WFIKKN1: variants seen among roughly 807,000 people sequenced by gnomAD.
WFIKKN1 encodes the protein WAP, Kazal, immunoglobulin, Kunitz and NTR domain-containing protein 1.
A neutral mutation model predicts 4.6 loss-of-function variants in WFIKKN1; 6 were observed. The observed-to-expected ratio is 1.31, with a 90% confidence interval of 0.72 to 2.59. WFIKKN1 has a LOEUF of 2.59. Ranked by LOEUF, WFIKKN1 falls within the 30% of genes most tolerant of loss-of-function variation. The pLI is 0.00. For missense variants in WFIKKN1, 964 were observed against 818.0 expected (o/e 1.18, Z -2.18); for synonymous variants, 468 against 367.4 (o/e 1.27, Z -3.13).
In WFIKKN1 at chr16:633,375, A is replaced by G; in HGVS notation, c.965A>G (p.Gln322Arg). The G allele has an allele frequency of 6.4e-7, 1 of 1,567,696 alleles. No individual in the cohort carries two copies. Among genetic ancestry groups the G allele is most frequent in the South Asian group, 1.2e-5 (1 of 85,974 alleles). Residue 322 changes from glutamine (Q) to arginine (R), a missense_variant, in exon 2 of 2, where the codon CAG (glutamine) becomes CGG (arginine). Transcript: ENST00000319070. ...PHLVLWHYDPQRGGCMTFPAR... is the reference protein window; with the variant it reads ...PHLVLWHYDPRRGGCMTFPAR... Reference sequence around the variant, plus strand: ...CTTGTCCTCTGGCACTACGACCCGCAGCGGGGCGGCTGCATGACCTTCCCG... The same window carrying G: ...CTTGTCCTCTGGCACTACGACCCGCGGCGGGGCGGCTGCATGACCTTCCCG...
chr16:633,264 C>G lies in WFIKKN1; in HGVS notation c.854C>G (p.Pro285Arg). The change falls in exon 2 of 2, where the codon CCG becomes CGG. Residue 285 changes from proline to arginine, a missense_variant. Pro to Arg is a moderately radical substitution (Grantham distance 103, BLOSUM62 -2). Coordinates refer to ENST00000319070, the MANE Select transcript of WFIKKN1 (RefSeq NM_053284.3). ...DFPLSVVQRE[P>R]ARDAAPSIPA... is the part of the protein sequence containing the mutation. The stretch of plus-strand genomic sequence containing the variant: ...CCACTCTCTGTGGTCCAGCGAGAGC[C>G]GGCCAGGGACGCAGCCCCCAGCATC... 1 of 1,582,254 alleles carries G rather than the reference C, an allele frequency of 6.3e-7. No individual in the cohort carries two copies. Among genetic ancestry groups the G allele is most frequent in the Non-Finnish European group, 8.6e-7 (1 of 1,167,614 alleles).
At position 632,881 on chromosome 16, in the gene WFIKKN1, C is replaced by T. The variant is rs932210783; in HGVS notation, c.471C>T (p.Cys157=). The change falls in exon 2 of 2, where the codon TGC becomes TGT. Residue 157 remains cysteine, a synonymous_variant. Coordinates refer to ENST00000319070, the MANE Select transcript of WFIKKN1 (RefSeq NM_053284.3). The stretch of plus-strand genomic sequence containing the variant: ...GCCTGCACCTCCACATCGTGCCCTG[C>T]AAGCACGTGCTCAGCTGGCCGCCCA... ...LRGLHLHIVP[C]KHVLSWPPSS... The T allele has an allele frequency of 3.6e-5, 57 of 1,575,044 alleles. No homozygotes were observed. Among genetic ancestry groups the T allele is most frequent in the Non-Finnish European group, 4.7e-5 (55 of 1,160,006 alleles).
chr16:633,243 T>A lies in WFIKKN1; in HGVS notation c.833T>A (p.Leu278His). 6.3e-7 allele frequency: 1 copy of A among 1,586,582 alleles called. No individual in the cohort carries two copies. Among genetic ancestry groups the A allele is most frequent in the Non-Finnish European group, 8.6e-7 (1 of 1,168,476 alleles). The change falls in exon 2 of 2, where the codon CTC (leucine) becomes CAC (histidine). Residue 278 changes from leucine (L) to histidine (H), a missense_variant. Physicochemically the swap from Leu to His is moderately conservative, Grantham distance 99. Coordinates refer to ENST00000319070, the MANE Select transcript of WFIKKN1 (RefSeq NM_053284.3). ...AAGLLRADFPLSVVQREPARD... is the reference protein window; with the variant it reads ...AAGLLRADFPHSVVQREPARD... ...GGGCTGCTGCGGGCTGACTTCCCAC[T>A]CTCTGTGGTCCAGCGAGAGCCGGCC...
chr16:631,135 T>C lies in WFIKKN1; in HGVS notation c.-119T>C. ...TCAGGGGCAAAAGGGAGCCCCGGGGTCCTGGTGGGGGCACCGACCACAGGC... is the reference window on the plus strand; with the variant it reads ...TCAGGGGCAAAAGGGAGCCCCGGGGCCCTGGTGGGGGCACCGACCACAGGC... On this transcript the variant is annotated 5_prime_UTR_variant, in exon 1 of 2. Transcript: ENST00000319070. 5 of 1,203,224 alleles carry C rather than the reference T, an allele frequency of 4.2e-6. No individual in the cohort carries two copies. Among genetic ancestry groups the C allele is most frequent in the Non-Finnish European group, 5.6e-6 (5 of 891,894 alleles). The allele number at this position is 1,203,224 out of a possible 1,614,324, so 74.5% of individuals were successfully genotyped here. A position where few individuals can be genotyped will look rare whatever the true frequency, so the allele number is the denominator to read the frequency against.
Position 631,230 on chromosome 16 carries a change from C to T in WFIKKN1, c.-24C>T, listed in dbSNP as rs201564820. 1.4e-5 allele frequency: 22 copies of T among 1,541,050 alleles called. No homozygotes were observed. In the Admixed American group the frequency reaches 1.7e-4, roughly 12 times the overall value. On this transcript the variant is annotated 5_prime_UTR_variant, in exon 1 of 2. Transcript: ENST00000319070. The stretch of plus-strand genomic sequence containing the variant: ...AGGAGGGGCTGGTGGCCACACCCCC[C>T]GGCCCCCTGGCTCGGCGGCCCTCAT...
chr16:631,811 ATCCTCTTCTCCCACCCCG>A (rs2036953936), intron 1 of WFIKKN1: 1 of 40,330 alleles, frequency 2.5e-5, no homozygotes, highest in African/African-American at 1.1e-4. Context: ...CACTTCTTCC[ATCCTCTTCTCCCACCCCG>A]TCACTGCCTC....
In WFIKKN1 at chr16:633,212, G is replaced by C; in HGVS notation, c.802G>C (p.Ala268Pro). Reference sequence around the variant, plus strand: ...CCTGTACACCTGCACCGCGCGCAACGCTGCTGGGCTGCTGCGGGCTGACTT... The same window carrying C: ...CCTGTACACCTGCACCGCGCGCAACCCTGCTGGGCTGCTGCGGGCTGACTT... ...AGLYTCTARN[A>P]AGLLRADFPL... is the part of the protein sequence containing the mutation. Residue 268 changes from alanine to proline, a missense_variant, in exon 2 of 2, where the codon GCT becomes CCT. By Grantham distance (27) the Ala-to-Pro change is conservative (BLOSUM62 -1). Coordinates refer to ENST00000319070, the MANE Select transcript of WFIKKN1 (RefSeq NM_053284.3). 1 of 1,586,614 alleles carries C rather than the reference G, an allele frequency of 6.3e-7. No individual in the cohort carries two copies. Among genetic ancestry groups the C allele is most frequent in the Admixed American group, 1.8e-5 (1 of 56,644 alleles).
At position 631,058 on chromosome 16, in the gene WFIKKN1, G is replaced by A. The variant is rs565925117; in HGVS notation, c.-196G>A. On this transcript the variant is annotated 5_prime_UTR_variant, in exon 1 of 2. Coordinates refer to ENST00000319070, the MANE Select transcript of WFIKKN1 (RefSeq NM_053284.3). ...CGGCCTCTGAGAACTTGGAGACCCC[G>A]TTACCCACCCAGCAGGGGTGTCAGG... 1.8e-5 allele frequency: 11 copies of A among 623,518 alleles called. No individual in the cohort carries two copies. The highest frequency in any genetic ancestry group is 3.8e-5 in the African/African-American group (2 of 52,142). The allele number at this position is 623,518 out of a possible 1,614,324, so 38.6% of individuals were successfully genotyped here. A position where few individuals can be genotyped will look rare whatever the true frequency, so the allele number is the denominator to read the frequency against.
At position 632,966 on chromosome 16, in the gene WFIKKN1, C is replaced by G; in HGVS notation, c.556C>G (p.Pro186Ala). Residue 186 changes from proline to alanine, a missense_variant, in exon 2 of 2, where the codon CCT (proline) becomes GCT (alanine). By Grantham distance (27) the Pro-to-Ala change is conservative (BLOSUM62 -1). Transcript: ENST00000319070. ...RPTPGAAPVP[P>A]ALYSSPSPQA... ...CACACCTGGGGCCGCGCCCGTGCCT[C>G]CTGCCCTGTACAGCAGCCCCTCCCC... is the stretch of plus-strand genomic sequence containing the variant. 6.3e-7 allele frequency: 1 copy of G among 1,583,568 alleles called. No homozygotes were observed. Among genetic ancestry groups the G allele is most frequent in the Non-Finnish European group, 8.6e-7 (1 of 1,163,698 alleles).
rs755549268 is a variant in WFIKKN1, at chr16:634,075, G to A, written c.*18G>A. Reference sequence around the variant, plus strand: ...AGGACTAGCCCCCGCAGGGGCCTGCGCCACCCCGTCCTGGTGAATAAACGC... The same window carrying A: ...AGGACTAGCCCCCGCAGGGGCCTGCACCACCCCGTCCTGGTGAATAAACGC... On this transcript the variant is annotated 3_prime_UTR_variant, in exon 2 of 2. Transcript: ENST00000319070. 2.5e-5 allele frequency: 39 copies of A among 1,537,776 alleles called. No individual in the cohort carries two copies. The highest frequency in any genetic ancestry group is 2.4e-4 in the South Asian group (19 of 80,204).
chr16:631,200 G>A lies in WFIKKN1; in HGVS notation c.-54G>A. ...CCTGCAGGAAGCTGGGCTCTGTGGA[G>A]CCCGAGGAGGGGCTGGTGGCCACAC... On this transcript the variant is annotated 5_prime_UTR_variant, in exon 1 of 2. Coordinates refer to ENST00000319070, the MANE Select transcript of WFIKKN1 (RefSeq NM_053284.3). The A allele has an allele frequency of 6.6e-7, 1 of 1,511,584 alleles. No homozygotes were observed. The highest frequency in any genetic ancestry group is 1.2e-5 in the South Asian group (1 of 80,988). The allele number at this position is 1,511,584 out of a possible 1,614,324, so 93.6% of individuals were successfully genotyped here. A position where few individuals can be genotyped will look rare whatever the true frequency, so the allele number is the denominator to read the frequency against.
chr16:633,211 C>G lies in WFIKKN1; in HGVS notation c.801C>G (p.Asn267Lys). ...GCCTGTACACCTGCACCGCGCGCAA[C>G]GCTGCTGGGCTGCTGCGGGCTGACT... ...DAGLYTCTAR[N>K]AAGLLRADFP... The change falls in exon 2 of 2, where the codon AAC becomes AAG. Residue 267 changes from asparagine to lysine, a missense_variant. By Grantham distance (94) the Asn-to-Lys change is moderately conservative (BLOSUM62 0). Transcript: ENST00000319070. 1 of 1,589,726 alleles carries G rather than the reference C, an allele frequency of 6.3e-7. No individual in the cohort carries two copies. Among genetic ancestry groups the G allele is most frequent in the Non-Finnish European group, 8.6e-7 (1 of 1,167,854 alleles).
intron 1 of WFIKKN1, chr16:631,643 TG>T (rs66609666): frequency 1 from 422,032 of 422,084 alleles, 210,990 homozygotes; most frequent in Middle Eastern, 1. Flanking sequence ...GCCTCCACCC[TG>T]GGGCACCATC....
chr16:633,483 C>T lies in WFIKKN1; in HGVS notation c.1073C>T (p.Ala358Val). ...GCCTGTGCCCGCGGCCCCGGCGACG[C>T]CTGCGTGCTGCCTGCCGTGCAGGGC... ...QQACARGPGD[A>V]CVLPAVQGPC... Residue 358 changes from alanine to valine, a missense_variant, in exon 2 of 2, where the codon GCC becomes GTC. Ala to Val is a moderately conservative substitution (Grantham distance 64, BLOSUM62 0). Transcript: ENST00000319070. 2 of 1,520,478 alleles carry T rather than the reference C, an allele frequency of 1.3e-6. No individual in the cohort carries two copies. Among genetic ancestry groups the T allele is most frequent in the Non-Finnish European group, 1.7e-6 (2 of 1,143,054 alleles). 94.2% of individuals were successfully genotyped at this position (1,520,478 alleles called of 1,614,324 possible).
chr16:633,662 C>T lies in WFIKKN1; in HGVS notation c.1252C>T (p.Arg418Cys), dbSNP rs750881697. ...ACPVPRTPPC[R>C]ACRLRSKLAL... ...CCCCGTGCCGCGCACACCGCCCTGC[C>T]GCGCCTGCCGCCTCCGGAGCAAGCT... Residue 418 changes from arginine (R) to cysteine (C), a missense_variant, in exon 2 of 2, where the codon CGC becomes TGC. Transcript: ENST00000319070. 8.9e-6 allele frequency: 14 copies of T among 1,573,556 alleles called. No homozygotes were observed. The highest frequency in any genetic ancestry group is 4.6e-5 in the South Asian group (4 of 86,714).
rs770735856 is a variant in WFIKKN1, at chr16:633,032, G to A, written c.622G>A (p.Asp208Asn). ...TGGGGGTACGGCCAGCCTCCACTGC[G>A]ACGTCAGCGGCCGCCCGCCGCCTGC... ...QVGGTASLHC[D>N]VSGRPPPAVT... The change falls in exon 2 of 2, where the codon GAC becomes AAC. Residue 208 changes from aspartate (D) to asparagine (N), a missense_variant. Asp to Asn is a conservative substitution (Grantham distance 23). Coordinates refer to ENST00000319070, the MANE Select transcript of WFIKKN1 (RefSeq NM_053284.3). 39 of 1,610,550 alleles carry A rather than the reference G, an allele frequency of 2.4e-5. No individual in the cohort carries two copies. Among genetic ancestry groups the A allele is most frequent in the South Asian group, 3.3e-5 (3 of 90,836 alleles).
At chr16:632,447 A>T in intron 1 of WFIKKN1, 135 bp from the exon 2 acceptor site, 2 of 1,161,424 alleles carry the variant, frequency 1.7e-6, no homozygotes, top group Non-Finnish European at 2.3e-6. Context: ...TGGAAAGGAC[A>T]CTGAGTCCCC....
intron 1 of WFIKKN1, 71 bp downstream of exon 1, chr16:631,495 AC>A (rs1475299109): frequency 2.6e-6 from 4 of 1,545,810 alleles, no homozygotes; most frequent in Admixed American, 4.2e-5. Context: ...TGGAGGTGCC[AC>A]CTTCTGCCTG....
chr16:631,387 C>T lies in WFIKKN1; in HGVS notation c.134C>T (p.Ala45Val), dbSNP rs1424399431. The change falls in exon 1 of 2, where the codon GCC (alanine) becomes GTC (valine). Residue 45 changes from alanine (A) to valine (V), a missense_variant. Physicochemically the swap from Ala to Val is moderately conservative, Grantham distance 64 (BLOSUM62 0). Transcript: ENST00000319070. The part of the protein sequence containing the change: ...NQLSPNLWVD[A>V]QSTCERECSR... ...CTCAGCCCCAACCTGTGGGTGGACG[C>T]CCAGAGCACCTGTGAGCGCGAGTGT... 4 of 1,609,396 alleles carry T rather than the reference C, an allele frequency of 2.5e-6. No homozygotes were observed. Among genetic ancestry groups the T allele is most frequent in the Non-Finnish European group, 3.4e-6 (4 of 1,179,376 alleles).
Sources: gnomAD v4.1 joint callset for allele counts on GRCh38, gnomAD v4.1.1 for gene constraint, MANE v1.5 for transcripts, NCBI Gene and HGNC (gene_info 2026-07-23, HGNC 2026-07-21) for gene names.